Variants in FOXP1 observed in about 807,000 individuals in gnomAD.
FOXP1 encodes forkhead box protein P1.
Under a neutral mutation model 98.2 loss-of-function variants are expected in FOXP1, and 15 were observed. The ratio of observed to expected loss-of-function variants is 0.15; its 90% CI spans 0.10 to 0.24. The LOEUF is 0.24. Ranked by LOEUF, FOXP1 falls within the 10% of genes least tolerant of loss-of-function variation. The pLI is 1.00. For missense variants in FOXP1, 633 were observed against 848.5 expected, an observed-to-expected ratio of 0.75 and a Z score of 3.15; for synonymous variants, 371 against 314.5, an observed-to-expected ratio of 1.18 and a Z score of -1.90.
At chr3:71,200,083 CAA>C (rs61281811) in intron 5 of FOXP1, among the ~76,000 whole-genome samples, 3 of 76,110 alleles carry the variant, frequency 3.9e-5, no homozygotes, top group African/African-American at 5.3e-5. Context: ...CTCCATCTCA[CAA>C]AAAAAAAAAA....
At chr3:71,139,841 T>C (rs2059985081) in intron 6 of FOXP1, among the ~76,000 whole-genome samples, 1 of 152,288 alleles carries the variant, frequency 6.6e-6, no homozygotes, top group Non-Finnish European at 1.5e-5. Context: ...AGAAGTTGCT[T>C]TCCGGACTGG....
chr3:71,205,079 G>C (rs1398383653), intron 5 of FOXP1, among the ~76,000 whole-genome samples: 6 of 152,148 alleles, frequency 3.9e-5, no homozygotes, highest in Admixed American at 1.3e-4. Context: ...TGAGCCGGAG[G>C]GCTATTTTAA....
chr3:71,539,410 C>T (rs371678728), intron 2 of FOXP1, among the ~76,000 whole-genome samples: 1 of 150,966 alleles, frequency 6.6e-6, no homozygotes, highest in African/African-American at 2.4e-5. Flanking sequence ...CGTGAGCCGC[C>T]GCGCTCGGTC....
At chr3:71,386,612 G>T (rs1315713790) in intron 3 of FOXP1, among the ~76,000 whole-genome samples, 2 of 151,884 alleles carry the variant, frequency 1.3e-5, no homozygotes, top group Non-Finnish European at 1.5e-5. Context: ...GCGTGGTAGC[G>T]CATGCCTGTA....
At chr3:71,246,533 C>G (rs920702980) in intron 5 of FOXP1, among the ~76,000 whole-genome samples, 1 of 152,086 alleles carries the variant, frequency 6.6e-6, no homozygotes, top group African/African-American at 2.4e-5. Context: ...AGATCCATAT[C>G]GTACAGAAAC....
intron 2 of FOXP1, among the ~76,000 whole-genome samples, chr3:71,537,794 C>A (rs1300220957): frequency 6.6e-6 from 1 of 152,256 alleles, no homozygotes; most frequent in African/African-American, 2.4e-5. Context: ...TAGGCCAAAT[C>A]TTTCTGACCA....
At chr3:71,436,038 T>C (rs2085320158) in intron 3 of FOXP1, among the ~76,000 whole-genome samples, 1 of 151,770 alleles carries the variant, frequency 6.6e-6, no homozygotes, top group South Asian at 2.1e-4. Flanking sequence ...AGAATCTGTC[T>C]ACATATATTA....
At chr3:71,098,652 C>T (rs1190444987) in intron 7 of FOXP1, among the ~76,000 whole-genome samples, 1 of 152,170 alleles carries the variant, frequency 6.6e-6, no homozygotes, top group Non-Finnish European at 1.5e-5. Context: ...ACTCATTCAT[C>T]ACTCAGTTAT....
intron 3 of FOXP1, among the ~76,000 whole-genome samples, chr3:71,370,433 A>C (rs2079213391): frequency 6.6e-6 from 1 of 152,190 alleles, no homozygotes; most frequent in South Asian, 2.1e-4. Flanking sequence ...ACACCATAGC[A>C]CTTGTCCTTA....
chr3:71,371,318 G>A (rs971487100), intron 3 of FOXP1, among the ~76,000 whole-genome samples: 1 of 152,058 alleles, frequency 6.6e-6, no homozygotes, highest in African/African-American at 2.4e-5. Flanking sequence ...TCTCAGGTGT[G>A]GCATCTTCCA....
At chr3:71,339,711 C>A (rs2076903717) in intron 4 of FOXP1, among the ~76,000 whole-genome samples, 1 of 152,096 alleles carries the variant, frequency 6.6e-6, no homozygotes, top group Non-Finnish European at 1.5e-5. Flanking sequence ...CAGTATGGTA[C>A]AAGAATAGTT....
chr3:70,973,469 G>C (rs931345130), intron 17 of FOXP1, among the ~76,000 whole-genome samples: 1 of 152,130 alleles, frequency 6.6e-6, no homozygotes, highest in Non-Finnish European at 1.5e-5. Context: ...CCTAAGCTGA[G>C]ACCCTTAACA....
At chr3:70,966,660 C>T (rs374632060) in intron 19 of FOXP1, among the ~76,000 whole-genome samples, 12 of 152,228 alleles carry the variant, frequency 7.9e-5, no homozygotes, top group African/African-American at 1.9e-4. Flanking sequence ...GGAAACACCA[C>T]GTAGTGTTTC....
At chr3:70,980,371 G>A (rs771851693) in intron 14 of FOXP1, among the ~76,000 whole-genome samples, 13 of 152,154 alleles carry the variant, frequency 8.5e-5, no homozygotes, top group African/African-American at 2.2e-4. Context: ...ATCTCAGAGC[G>A]CTTTGGAAAG....
At chr3:71,365,120 G>C (rs2078830803) in intron 3 of FOXP1, among the ~76,000 whole-genome samples, 1 of 152,134 alleles carries the variant, frequency 6.6e-6, no homozygotes, top group South Asian at 2.1e-4. Flanking sequence ...GCCAACTTCT[G>C]CTTCAGAACA....
intron 3 of FOXP1, among the ~76,000 whole-genome samples, chr3:71,432,189 A>T (rs1228889141): frequency 1.3e-5 from 2 of 152,260 alleles, no homozygotes; most frequent in Admixed American, 6.5e-5. Context: ...TGAGATATGC[A>T]GAGATCAACC....
chr3:71,472,225 C>T (rs1368868026), intron 3 of FOXP1, among the ~76,000 whole-genome samples: 1 of 152,122 alleles, frequency 6.6e-6, no homozygotes, highest in African/African-American at 2.4e-5. Flanking sequence ...GGACCACTCT[C>T]ACCCTGGATT....
chr3:71,077,373 T>C (rs1336567175), intron 7 of FOXP1, among the ~76,000 whole-genome samples: 2 of 152,220 alleles, frequency 1.3e-5, no homozygotes, highest in Non-Finnish European at 2.9e-5. Context: ...TATTTACTTG[T>C]TCCTTATGAC....
chr3:71,531,581 G>A (rs1354641567), intron 2 of FOXP1, among the ~76,000 whole-genome samples: 1 of 152,184 alleles, frequency 6.6e-6, no homozygotes, highest in African/African-American at 2.4e-5. Context: ...GGAGTAAGAA[G>A]AAAATACACA....
Sources: allele counts gnomAD v4.1 joint callset (sites outside exome capture counted in the v4.1 genomes callset), GRCh38; gene constraint gnomAD v4.1.1; transcripts MANE v1.5; gene names NCBI Gene and HGNC (gene_info 2026-07-23, HGNC 2026-07-21).